The following FAM53B variants were observed in gnomAD, a reference collection of about 807,000 sequenced individuals.
The protein encoded by FAM53B is family with sequence similarity 53 member B.
FAM53B carries 12 observed loss-of-function variants against 32.7 expected under a neutral mutation model. The observed-to-expected ratio is 0.37, with a 90% CI of 0.24 to 0.59. The LOEUF is 0.59. Among genes scored for constraint, FAM53B ranks in the 20% least tolerant of loss-of-function variants. The pLI is 0.72. For synonymous variants in FAM53B, 234 were observed against 228.7 expected (o/e 1.02, Z -0.21); for missense variants, 477 against 577.7 (o/e 0.83, Z 1.79).
intron 4 of FAM53B, among the ~76,000 whole-genome samples, chr10:124,671,862 C>A (rs1949709087): frequency 6.6e-6 from 1 of 152,074 alleles, no homozygotes; most frequent in Non-Finnish European, 1.5e-5. Flanking sequence ...CATTGTTAAT[C>A]TTTTGGCCAT....
Position 124,706,736 on chromosome 10 carries a change from C to T in FAM53B, c.-23G>A, listed in dbSNP as rs1244474957. ...CATGATAAGGGCCTCAGGCGCTGGG[C>T]TCCATCCCAGGGTGGGTATCAGCCA... On this transcript the variant is annotated 5_prime_UTR_variant, in exon 2 of 5. Transcript: ENST00000337318. 25 of 1,613,872 alleles carry T rather than the reference C, an allele frequency of 1.5e-5. No individual in the cohort carries two copies. The highest frequency in any genetic ancestry group is 6.7e-5 in the East Asian group (3 of 44,886).
intron 4 of FAM53B, among the ~76,000 whole-genome samples, chr10:124,633,089 T>A (rs1031564517): frequency 6.6e-6 from 1 of 152,122 alleles, no homozygotes; most frequent in African/African-American, 2.4e-5. Flanking sequence ...TGTCTCTCTG[T>A]GGACACAGCA....
intron 4 of FAM53B, among the ~76,000 whole-genome samples, chr10:124,643,146 G>A (rs964137691): frequency 1.3e-5 from 2 of 152,248 alleles, no homozygotes; most frequent in African/African-American, 4.8e-5. Context: ...AAATAAAGCT[G>A]TCTGTCTCTG....
intron 1 of FAM53B, among the ~76,000 whole-genome samples, chr10:124,719,594 T>C (rs1950056907): frequency 2.0e-5 from 3 of 152,174 alleles, no homozygotes; most frequent in Admixed American, 1.3e-4. Flanking sequence ...CCCAAAATGC[T>C]TGAAAGACTG....
chr10:124,638,785 A>G (rs73379047), intron 4 of FAM53B, among the ~76,000 whole-genome samples: 27,957 of 152,236 alleles, frequency 0.18, 2,754 homozygotes, highest in East Asian at 0.29. Context: ...TGGCCAGCAC[A>G]TCCCAGCACG....
At chr10:124,698,200 C>T (rs1261178175) in intron 2 of FAM53B, among the ~76,000 whole-genome samples, 5 of 152,164 alleles carry the variant, frequency 3.3e-5, no homozygotes, top group Non-Finnish European at 7.4e-5. Context: ...GCCCCCAGCC[C>T]GTGCCTGCCA....
rs1254106433 is a variant in FAM53B, at chr10:124,733,399, T to C, written c.-175+10614A>G. On this transcript the variant is annotated intron_variant, in intron 1 of 4. Transcript: ENST00000337318. This position sits in a 1 kb window ranked among gnomAD's most constrained non-coding sequence, Gnocchi z 4.3. ...CTCAGGCCCGCCATTCTCGAGTGTC[T>C]GTGTCAGCAGCTTCCCCCTGCCTTT... Among the ~76,000 whole-genome samples, 6 of 152,196 alleles carry C rather than the reference T, an allele frequency of 3.9e-5. No homozygotes were observed. Among genetic ancestry groups the C allele is most frequent in the Non-Finnish European group, 8.8e-5 (6 of 68,040 alleles).
chr10:124,735,684 G>A (rs971336026), intron 1 of FAM53B, among the ~76,000 whole-genome samples: 2 of 152,198 alleles, frequency 1.3e-5, no homozygotes, highest in Non-Finnish European at 2.9e-5. Context: ...GCAACAGCAC[G>A]CGCTTGCCAC....
At chr10:124,624,905 A>G (rs550722502) in intron 4 of FAM53B, among the ~76,000 whole-genome samples, 1 of 152,346 alleles carries the variant, frequency 6.6e-6, no homozygotes, top group African/African-American at 2.4e-5. Context: ...AACGAGGTCG[A>G]ATAGCAGAGG....
At chr10:124,649,730 C>G (rs1170849779) in intron 4 of FAM53B, among the ~76,000 whole-genome samples, 1 of 152,192 alleles carries the variant, frequency 6.6e-6, no homozygotes, top group Non-Finnish European at 1.5e-5. Flanking sequence ...TGTCCCTGGT[C>G]TCCCTCACAC....
At chr10:124,648,782 G>C (rs955602724) in intron 4 of FAM53B, among the ~76,000 whole-genome samples, 11 of 152,236 alleles carry the variant, frequency 7.2e-5, no homozygotes, top group Non-Finnish European at 1.2e-4. Context: ...CCGCCTGTTC[G>C]GGGCTCCTTT....
intron 3 of FAM53B, among the ~76,000 whole-genome samples, chr10:124,684,800 T>G (rs1480006077): frequency 1.3e-5 from 2 of 152,216 alleles, no homozygotes; most frequent in African/African-American, 4.8e-5. Flanking sequence ...ATTACAGGCA[T>G]GAGCCACCGT....
chr10:124,625,656 C>T (rs1260336794), intron 4 of FAM53B, among the ~76,000 whole-genome samples: 1 of 152,234 alleles, frequency 6.6e-6, no homozygotes, highest in Non-Finnish European at 1.5e-5. Context: ...GAGGTGGAAG[C>T]CCCAGTGCTT....
chr10:124,657,174 G>GTGTATATATGTGTGTA (rs1564869784), intron 4 of FAM53B, among the ~76,000 whole-genome samples: 1 of 16,594 alleles, frequency 6.0e-5, no homozygotes, highest in Non-Finnish European at 4.0e-4. Context: ...ATATATATAT[G>GTGTATATATGTGTGTA]TACATATATA....
chr10:124,629,921 C>T (rs1949379777), intron 4 of FAM53B, among the ~76,000 whole-genome samples: 1 of 152,222 alleles, frequency 6.6e-6, no homozygotes, highest in Non-Finnish European at 1.5e-5. Context: ...GTGGTGGTGG[C>T]TTCTTTTCCT....
At chr10:124,737,101 T>G (rs950135345) in intron 1 of FAM53B, among the ~76,000 whole-genome samples, 4 of 152,196 alleles carry the variant, frequency 2.6e-5, no homozygotes, top group African/African-American at 9.7e-5. Flanking sequence ...GAGGATTAAA[T>G]GAACTAATGA....
At position 124,631,932 on chromosome 10, in the gene FAM53B, C is replaced by T. The variant is rs533826996; in HGVS notation, c.907-8328G>A. The stretch of plus-strand genomic sequence containing the variant: ...CAGGGAACCCTGACCCCACATGCCA[C>T]GGCCTGGTTCACAGTGGGTGCATCG... On this transcript the variant is annotated intron_variant, in intron 4 of 4. Transcript: ENST00000337318. Among the ~76,000 whole-genome samples, 12 of 152,336 alleles carry T rather than the reference C, an allele frequency of 7.9e-5. No homozygotes were observed. The East Asian group carries it at 1.2e-3, about 15-fold the overall frequency.
intron 1 of FAM53B, among the ~76,000 whole-genome samples, chr10:124,714,758 CAAAAA>C (rs71484584): frequency 7.7e-5 from 7 of 90,840 alleles, no homozygotes; most frequent in African/African-American, 1.0e-4. Context: ...GACTCCACCT[CAAAAA>C]AAAAAAAAAA....
At chr10:124,671,167 A>C (rs1949705396) in intron 4 of FAM53B, 1 of 454,452 alleles carries the variant, frequency 2.2e-6, no homozygotes, top group Non-Finnish European at 4.4e-6. Context: ...CTGCAGGAGC[A>C]ATCTGCTCCA....
Sources: allele counts gnomAD v4.1 joint callset (sites outside exome capture counted in the v4.1 genomes callset), GRCh38; gene constraint gnomAD v4.1.1; non-coding constraint Gnocchi (gnomAD v3.1); transcripts MANE v1.5; gene names NCBI Gene and HGNC (gene_info 2026-07-23, HGNC 2026-07-21).